The following IL1RAPL1 variants were observed in gnomAD, a reference collection of about 807,000 sequenced individuals.
IL1RAPL1 encodes interleukin 1 receptor accessory protein like 1, also known as interleukin-1 receptor accessory protein-like 1.
Under a neutral mutation model 48.4 loss-of-function variants are expected in IL1RAPL1, and 3 were observed. The observed-to-expected ratio is 0.06, with a 90% confidence interval of 0.03 to 0.16. The LOEUF (loss-of-function observed/expected upper bound fraction) is 0.16. IL1RAPL1 is among the 10% of genes least tolerant of loss of function. The probability of loss-of-function intolerance (pLI) is 1.00; values close to 1 mark genes in which losing one functional copy is unlikely to be tolerated. For missense variants in IL1RAPL1, 349 were observed against 530.6 expected (o/e 0.66, Z 3.36); for synonymous variants, 185 against 187.7 (o/e 0.99, Z 0.12).
rs1439506115 is a variant in IL1RAPL1, at chrX:29,731,041, T to C, written c.778+62537T>C. On this transcript the variant is annotated intron_variant, in intron 6 of 10. Coordinates refer to ENST00000378993, the MANE Select transcript of IL1RAPL1 (RefSeq NM_014271.4). Reference sequence around the variant, plus strand: ...AGCTATTTTTAATTTTCTAGGTCTCTTTTAAATTTTGGTACGTTGGTCAAG... The same window carrying C: ...AGCTATTTTTAATTTTCTAGGTCTCCTTTAAATTTTGGTACGTTGGTCAAG... 3.6e-5 allele frequency among the ~76,000 whole-genome samples: 4 copies of C among 112,576 alleles called. No individual in the cohort carries two copies. In the East Asian group the frequency reaches 1.1e-3, roughly 31 times the overall value.
intron 6 of IL1RAPL1, among the ~76,000 whole-genome samples, chrX:29,682,984 G>C (rs1438119157): frequency 1.8e-5 from 2 of 111,962 alleles, no homozygotes; most frequent in Non-Finnish European, 3.8e-5. Context: ...CAGAGCAGTA[G>C]GTTGAGTTTG....
chrX:29,850,567 C>T (rs1321155719), intron 6 of IL1RAPL1, among the ~76,000 whole-genome samples: 1 of 112,394 alleles, frequency 8.9e-6, no homozygotes, highest in African/African-American at 3.2e-5. Context: ...TGCAGACCAC[C>T]CTCTCCCCTG....
chrX:29,761,777 A>T (rs748207990), intron 6 of IL1RAPL1, among the ~76,000 whole-genome samples: 43 of 109,367 alleles, frequency 3.9e-4, no homozygotes, highest in Non-Finnish European at 7.0e-4. Flanking sequence ...ATTTTCCCAC[A>T]TCTTTGTCAC....
intron 1 of IL1RAPL1, among the ~76,000 whole-genome samples, chrX:28,673,708 G>T (rs902882456): frequency 9.0e-6 from 1 of 111,637 alleles, no homozygotes; most frequent in Admixed American, 9.5e-5. Context: ...CTCGGAGGGT[G>T]TGATCCATGA....
At chrX:29,666,069 TAG>T (rs946097591) in intron 5 of IL1RAPL1, among the ~76,000 whole-genome samples, 2 of 111,564 alleles carry the variant, frequency 1.8e-5, no homozygotes, top group African/African-American at 6.5e-5. Flanking sequence ...TCTAAAATAA[TAG>T]AGTTGAATCA....
At chrX:29,940,108 C>G (rs1438286866) in intron 8 of IL1RAPL1, among the ~76,000 whole-genome samples, 2 of 110,820 alleles carry the variant, frequency 1.8e-5, no homozygotes, top group Admixed American at 9.6e-5. Flanking sequence ...GGTGATCTGC[C>G]CGCCTTGGCC....
At chrX:29,230,283 T>C (rs1405582680) in intron 2 of IL1RAPL1, among the ~76,000 whole-genome samples, 1 of 109,695 alleles carries the variant, frequency 9.1e-6, no homozygotes, top group Non-Finnish European at 1.9e-5. Context: ...TGGAGTTGAC[T>C]GTATTATATA....
At chrX:29,396,794 C>T (rs1419847797) in intron 4 of IL1RAPL1, among the ~76,000 whole-genome samples, 1 of 111,139 alleles carries the variant, frequency 9.0e-6, no homozygotes, top group African/African-American at 3.3e-5. Context: ...TCAAAGTGTC[C>T]CCAAACAAAA....
chrX:28,890,098 G>T (rs1294900582), intron 2 of IL1RAPL1, among the ~76,000 whole-genome samples: 2 of 111,379 alleles, frequency 1.8e-5, no homozygotes, highest in Non-Finnish European at 3.8e-5. Context: ...ATAGATAAAA[G>T]AATGTCTTTA....
intron 2 of IL1RAPL1, among the ~76,000 whole-genome samples, chrX:28,844,696 CTT>C (rs766047078): frequency 2.7e-5 from 3 of 111,201 alleles, no homozygotes; most frequent in Non-Finnish European, 5.7e-5. Flanking sequence ...TTCTGTGACT[CTT>C]TATGTCTCTT....
chrX:28,955,657 G>C (rs890779202), intron 2 of IL1RAPL1, among the ~76,000 whole-genome samples: 4 of 108,144 alleles, frequency 3.7e-5, no homozygotes, highest in African/African-American at 1.0e-4. Flanking sequence ...TTTGGTACCA[G>C]TAACATGCTG....
intron 2 of IL1RAPL1, among the ~76,000 whole-genome samples, chrX:28,967,237 G>T (rs1296051524): frequency 1.8e-5 from 2 of 111,451 alleles, no homozygotes; most frequent in East Asian, 2.8e-4. Context: ...GCTGGAGTTG[G>T]TGTAACCGTT....
At chrX:29,451,239 G>A (rs1008329577) in intron 5 of IL1RAPL1, among the ~76,000 whole-genome samples, 20 of 106,712 alleles carry the variant, frequency 1.9e-4, no homozygotes, top group African/African-American at 6.5e-4. Context: ...CCAGACTGGA[G>A]TGCAGAGTGC....
At chrX:29,860,691 A>C (rs989886611) in intron 6 of IL1RAPL1, among the ~76,000 whole-genome samples, 1 of 111,789 alleles carries the variant, frequency 8.9e-6, no homozygotes, top group Non-Finnish European at 1.9e-5. Flanking sequence ...ACATGAACTC[A>C]TCGGTTTCTA....
intron 1 of IL1RAPL1, among the ~76,000 whole-genome samples, chrX:28,740,657 C>T (rs1399984395): frequency 2.7e-5 from 3 of 110,937 alleles, no homozygotes; most frequent in Non-Finnish European, 3.8e-5. Context: ...TCACCCTCCA[C>T]CCTCAACTAG....
At chrX:28,895,087 A>G (rs1236046688) in intron 2 of IL1RAPL1, among the ~76,000 whole-genome samples, 1 of 110,621 alleles carries the variant, frequency 9.0e-6, no homozygotes, top group African/African-American at 3.3e-5. Context: ...AAGGAATAGT[A>G]AAGAAAGCAC....
At chrX:29,143,052 C>T (rs188226770) in intron 2 of IL1RAPL1, among the ~76,000 whole-genome samples, 3 of 110,890 alleles carry the variant, frequency 2.7e-5, no homozygotes, top group African/African-American at 6.6e-5. Flanking sequence ...TCTCTGGAAT[C>T]AGAAAAAATA....
chrX:28,969,906 CACAT>C (rs1425876720), intron 2 of IL1RAPL1, among the ~76,000 whole-genome samples: 2 of 108,546 alleles, frequency 1.8e-5, no homozygotes, highest in African/African-American at 3.3e-5. Flanking sequence ...TTTCTAAACA[CACAT>C]ATATATGTTT....
chrX:28,990,918 T>G (rs780422600), intron 2 of IL1RAPL1, among the ~76,000 whole-genome samples: 2 of 112,006 alleles, frequency 1.8e-5, no homozygotes, highest in Non-Finnish European at 3.8e-5. Flanking sequence ...TAGCTATAAC[T>G]TCTCCTACAA....
Sources: allele counts gnomAD v4.1 joint callset (sites outside exome capture counted in the v4.1 genomes callset), GRCh38; gene constraint gnomAD v4.1.1; transcripts MANE v1.5; gene names NCBI Gene and HGNC (gene_info 2026-07-23, HGNC 2026-07-21).